The following CACNB2 variants were observed in gnomAD, a reference collection of about 807,000 sequenced individuals.
CACNB2 encodes calcium voltage-gated channel auxiliary subunit beta 2.
CACNB2 carries 42 observed loss-of-function variants against 73.3 expected under a neutral mutation model. That is an observed-to-expected ratio of 0.57 (90% CI 0.45 to 0.74). CACNB2 has a LOEUF of 0.74. CACNB2 is among the 30% of genes least tolerant of loss of function. The pLI, the probability that CACNB2 is intolerant of heterozygous loss-of-function variation, is 0.00. For synonymous variants in CACNB2, 348 were observed against 310.3 expected, an observed-to-expected ratio of 1.12 and a Z score of -1.28; for missense variants, 940 against 853.0, an observed-to-expected ratio of 1.10 and a Z score of -1.27.
At chr10:18,213,707 A>G (rs2035406306) in intron 2 of CACNB2, among the ~76,000 whole-genome samples, 1 of 152,238 alleles carries the variant, frequency 6.6e-6, no homozygotes, top group Non-Finnish European at 1.5e-5. Context: ...GCTGTGGAGT[A>G]TGGAGTGAGA....
intron 3 of CACNB2, among the ~76,000 whole-genome samples, chr10:18,424,411 G>T (rs1272593775): frequency 1.3e-5 from 2 of 152,158 alleles, no homozygotes; most frequent in Admixed American, 6.5e-5. Flanking sequence ...GTAATCATTG[G>T]GTCATTGCCA....
intron 2 of CACNB2, among the ~76,000 whole-genome samples, chr10:18,285,391 G>A (rs544323540): frequency 1.6e-4 from 25 of 152,142 alleles, no homozygotes; most frequent in African/African-American, 3.1e-4. Flanking sequence ...TATACACAGC[G>A]GTCACATGTT....
intron 2 of CACNB2, among the ~76,000 whole-genome samples, chr10:18,281,310 T>G (rs1287805310): frequency 6.6e-6 from 1 of 152,244 alleles, no homozygotes; most frequent in African/African-American, 2.4e-5. Context: ...ATGAGCCACT[T>G]ATTTTGTTAA....
chr10:18,217,905 C>T (rs2035577912), intron 2 of CACNB2, among the ~76,000 whole-genome samples: 1 of 152,064 alleles, frequency 6.6e-6, no homozygotes, highest in Non-Finnish European at 1.5e-5. Flanking sequence ...CCCTTGGTAG[C>T]CTTTTCTTGG....
chr10:18,430,625 G>C (rs2045843973), intron 3 of CACNB2, among the ~76,000 whole-genome samples: 1 of 152,154 alleles, frequency 6.6e-6, no homozygotes, highest in Non-Finnish European at 1.5e-5. Context: ...GTGAGACCTT[G>C]TCTCAATCGA....
At chr10:18,317,422 T>C (rs2040234714) in intron 2 of CACNB2, among the ~76,000 whole-genome samples, 1 of 152,166 alleles carries the variant, frequency 6.6e-6, no homozygotes. Flanking sequence ...CCAGTGTTCA[T>C]TGTTCTCTTC....
intron 3 of CACNB2, among the ~76,000 whole-genome samples, chr10:18,477,243 C>G (rs1192563140): frequency 2.6e-5 from 4 of 152,106 alleles, no homozygotes; most frequent in Non-Finnish European, 5.9e-5. Flanking sequence ...GGGAAGACGA[C>G]CAGAGATCAC....
chr10:18,200,201 A>G (rs575310291), intron 2 of CACNB2, among the ~76,000 whole-genome samples: 42 of 152,194 alleles, frequency 2.8e-4, no homozygotes, highest in African/African-American at 8.4e-4. Flanking sequence ...ACTTAGGGTG[A>G]TCATTTGCAT....
chr10:18,343,465 T>G (rs1427466697), intron 2 of CACNB2, among the ~76,000 whole-genome samples: 1 of 152,206 alleles, frequency 6.6e-6, no homozygotes, highest in East Asian at 1.9e-4. Flanking sequence ...AGCCTCAGTT[T>G]CATCATCTGT....
intron 3 of CACNB2, among the ~76,000 whole-genome samples, chr10:18,416,583 A>T (rs2132676169): frequency 6.6e-6 from 1 of 151,912 alleles, no homozygotes; most frequent in Non-Finnish European, 1.5e-5. Context: ...TGGCCAGCTA[A>T]TTTTTTTTAG....
intron 2 of CACNB2, among the ~76,000 whole-genome samples, chr10:18,253,612 A>G (rs1273753442): frequency 2.6e-5 from 4 of 152,132 alleles, no homozygotes; most frequent in African/African-American, 9.7e-5. Flanking sequence ...ATTTTCTTAG[A>G]TCTACAATGA....
At chr10:18,333,671 G>T (rs763858305) in intron 2 of CACNB2, among the ~76,000 whole-genome samples, 2 of 152,114 alleles carry the variant, frequency 1.3e-5, no homozygotes. Context: ...TCACTGTCTG[G>T]CTAACACGTA....
intron 2 of CACNB2, among the ~76,000 whole-genome samples, chr10:18,332,806 A>C (rs1259598039): frequency 1.3e-5 from 2 of 152,242 alleles, no homozygotes; most frequent in Non-Finnish European, 2.9e-5. Flanking sequence ...AGTTAGATTC[A>C]TTTAACTACT....
At chr10:18,376,798 G>A (rs867207154) in intron 2 of CACNB2, among the ~76,000 whole-genome samples, 6 of 152,088 alleles carry the variant, frequency 3.9e-5, no homozygotes, top group Admixed American at 2.6e-4. Context: ...GCATGTCCCC[G>A]GTCAGGGAGG....
intron 3 of CACNB2, among the ~76,000 whole-genome samples, chr10:18,425,409 G>A (rs2045544453): frequency 6.6e-6 from 1 of 152,138 alleles, no homozygotes; most frequent in African/African-American, 2.4e-5. Flanking sequence ...GCTCAATCCT[G>A]TAACCCCATT....
At chr10:18,171,943 T>C (rs1483866001) in intron 2 of CACNB2, among the ~76,000 whole-genome samples, 11 of 152,112 alleles carry the variant, frequency 7.2e-5, no homozygotes, top group Non-Finnish European at 1.6e-4. Flanking sequence ...AAATACTCTG[T>C]TTCTTCTCTG....
intron 2 of CACNB2, among the ~76,000 whole-genome samples, chr10:18,335,566 C>T (rs1369057722): frequency 4.6e-5 from 7 of 152,148 alleles, no homozygotes; most frequent in Non-Finnish European, 7.4e-5. Flanking sequence ...GCCTGGGCAA[C>T]AGAGCGAGAC....
chr10:18,255,673 A>G (rs1469338969), intron 2 of CACNB2, among the ~76,000 whole-genome samples: 1 of 152,120 alleles, frequency 6.6e-6, no homozygotes, highest in Non-Finnish European at 1.5e-5. Flanking sequence ...TTTTTACTGA[A>G]ATTAGCAAGA....
chr10:18,472,382 G>A (rs562364564), intron 3 of CACNB2, among the ~76,000 whole-genome samples: 1 of 151,542 alleles, frequency 6.6e-6, no homozygotes, highest in Non-Finnish European at 1.5e-5. Flanking sequence ...GACTACAGGT[G>A]CACGCCACCA....
Sources: allele counts gnomAD v4.1 joint callset (sites outside exome capture counted in the v4.1 genomes callset), GRCh38; gene constraint gnomAD v4.1.1; transcripts MANE v1.5; gene names NCBI Gene and HGNC (gene_info 2026-07-23, HGNC 2026-07-21).